MRAP2: variants seen among roughly 807,000 people sequenced by gnomAD.
MRAP2 encodes melanocortin 2 receptor accessory protein 2, also known as melanocortin-2 receptor accessory protein 2.
Under a neutral mutation model 17.4 loss-of-function variants are expected in MRAP2, and 20 were observed. The observed-to-expected ratio is 1.15, with a 90% confidence interval of 0.81 to 1.67. MRAP2 has a LOEUF of 1.67. Among genes scored for constraint, MRAP2 ranks in the 40% most tolerant of loss-of-function variants. MRAP2 has a pLI of 0.00. For synonymous variants in MRAP2, 96 were observed against 88.4 expected, an observed-to-expected ratio of 1.09 and a Z score of -0.48; for missense variants, 238 against 240.0, an observed-to-expected ratio of 0.99 and a Z score of 0.05.
chr6:84,117,410 C>G, the MRAP2 span, among the ~76,000 whole-genome samples: 8 of 152,112 alleles, frequency 5.3e-5, no homozygotes, highest in African/African-American at 1.9e-4. Context: ...AGGAGTATCT[C>G]CTTTTTGATT....
chr6:84,094,923 A>C (rs568580717), downstream of MRAP2, among the ~76,000 whole-genome samples: 2 of 152,134 alleles, frequency 1.3e-5, no homozygotes, highest in Non-Finnish European at 2.9e-5. Context: ...GTTCACATCC[A>C]TATTCCTACT....
the MRAP2 span, among the ~76,000 whole-genome samples, chr6:84,110,953 G>A: frequency 6.6e-6 from 1 of 152,162 alleles, no homozygotes; most frequent in South Asian, 2.1e-4. Context: ...TTGTTCCATT[G>A]GTCTATATAT....
At chr6:84,068,372 C>CT (rs35347964) in intron 3 of MRAP2, among the ~76,000 whole-genome samples, 49,475 of 151,944 alleles carry the variant, frequency 0.33, 10,250 homozygotes, top group African/African-American at 0.6. Flanking sequence ...TATGCAAGCT[C>CT]TTTTTTGTTC....
chr6:84,130,377 G>A, the MRAP2 span, among the ~76,000 whole-genome samples: 1 of 152,184 alleles, frequency 6.6e-6, no homozygotes. Context: ...CTCATAAAAT[G>A]AGTTAGGGAG....
chr6:84,082,974 C>T (rs910244437), intron 3 of MRAP2, among the ~76,000 whole-genome samples: 2 of 152,090 alleles, frequency 1.3e-5, no homozygotes, highest in Non-Finnish European at 2.9e-5. Context: ...CCCCTCTCTC[C>T]CTTACGTGCC....
At chr6:84,087,550 A>T (rs1413005861) in intron 3 of MRAP2, among the ~76,000 whole-genome samples, 1 of 152,226 alleles carries the variant, frequency 6.6e-6, no homozygotes, top group Non-Finnish European at 1.5e-5. Flanking sequence ...TGGCACACTC[A>T]TCCCTGTTCT....
At chr6:84,112,748 A>G in the MRAP2 span, among the ~76,000 whole-genome samples, 7 of 152,226 alleles carry the variant, frequency 4.6e-5, no homozygotes, top group African/African-American at 1.7e-4. Context: ...AGTGCTATAA[A>G]TTTCCCTCTA....
chr6:84,094,258 T>C (rs548600774), downstream of MRAP2, among the ~76,000 whole-genome samples: 12 of 152,332 alleles, frequency 7.9e-5, no homozygotes, highest in South Asian at 2.3e-3. Flanking sequence ...GGTTGCCTAG[T>C]CACAGTCCTT....
intron 1 of MRAP2, among the ~76,000 whole-genome samples, chr6:84,036,623 A>G (rs1257820882): frequency 2.0e-5 from 3 of 152,078 alleles, no homozygotes; most frequent in Non-Finnish European, 4.4e-5. Flanking sequence ...AGCAAGATTT[A>G]TTGCAAAGAG....
the MRAP2 span, among the ~76,000 whole-genome samples, chr6:84,121,451 C>T: frequency 3.9e-5 from 6 of 152,250 alleles, no homozygotes; most frequent in Non-Finnish European, 8.8e-5. Flanking sequence ...CAAGACCAGC[C>T]TGGCCAACAT....
the MRAP2 span, among the ~76,000 whole-genome samples, chr6:84,108,205 C>T: frequency 6.6e-6 from 1 of 152,068 alleles, no homozygotes; most frequent in Admixed American, 6.6e-5. Flanking sequence ...GGTATATAAC[C>T]AGTAATGGGA....
intron 3 of MRAP2, chr6:84,063,503 CTG>C (rs1476501467): frequency 3.7e-6 from 3 of 818,056 alleles, no homozygotes; most frequent in East Asian, 1.2e-4. Context: ...AAGGCAAACA[CTG>C]TGGTTTACAT....
chr6:84,096,490 T>C, the MRAP2 span, among the ~76,000 whole-genome samples: 2 of 152,280 alleles, frequency 1.3e-5, no homozygotes, highest in African/African-American at 4.8e-5. Flanking sequence ...AGTGTGAGTT[T>C]GAAAGCACCA....
At chr6:84,066,258 A>G (rs2099494658) in intron 3 of MRAP2, among the ~76,000 whole-genome samples, 1 of 152,232 alleles carries the variant, frequency 6.6e-6, no homozygotes, top group Non-Finnish European at 1.5e-5. Flanking sequence ...TTAAGGAAAA[A>G]TAACTTTTTA....
intron 3 of MRAP2, among the ~76,000 whole-genome samples, chr6:84,066,987 C>T (rs112333275): frequency 9.2e-5 from 14 of 152,216 alleles, no homozygotes; most frequent in East Asian, 1.9e-4. Flanking sequence ...ACCCATCACC[C>T]GAGCAGTATA....
At chr6:84,034,108 C>A (rs760221399) in intron 1 of MRAP2, among the ~76,000 whole-genome samples, 1 of 151,928 alleles carries the variant, frequency 6.6e-6, no homozygotes, top group African/African-American at 2.4e-5. Flanking sequence ...TTCCCGGCAG[C>A]CCGCTGATGT....
At chr6:84,046,780 C>CAA (rs756963425) in intron 1 of MRAP2, among the ~76,000 whole-genome samples, 599 of 23,086 alleles carry the variant, frequency 0.026, 43 homozygotes, top group African/African-American at 0.058. Context: ...AACTCCATCT[C>CAA]AAAAAAAAAA....
intron 1 of MRAP2, among the ~76,000 whole-genome samples, chr6:84,042,819 G>C (rs772770328): frequency 2.0e-5 from 3 of 152,238 alleles, no homozygotes; most frequent in African/African-American, 4.8e-5. Context: ...CAGAAGATAA[G>C]ATGGTCATTA....
the MRAP2 span, among the ~76,000 whole-genome samples, chr6:84,107,554 G>A: frequency 6.6e-5 from 10 of 152,294 alleles, 1 homozygote; most frequent in Admixed American, 5.9e-4. Flanking sequence ...AAAGGGAAAG[G>A]CAATCAAGAT....
Sources: gnomAD v4.1 joint callset for allele counts (sites outside exome capture counted in the v4.1 genomes callset) on GRCh38, gnomAD v4.1.1 for gene constraint, MANE v1.5 for transcripts, NCBI Gene and HGNC (gene_info 2026-07-23, HGNC 2026-07-21) for gene names.